Variants in LRRC74A observed in about 807,000 individuals in gnomAD.
The protein encoded by LRRC74A is leucine-rich repeat-containing protein 74A.
A neutral mutation model predicts 57.9 loss-of-function variants in LRRC74A; 44 were observed. The ratio of observed to expected loss-of-function variants is 0.76; its 90% CI spans 0.60 to 0.98. The LOEUF is 0.98. Ranked by LOEUF, LRRC74A falls within the 50% of genes least tolerant of loss-of-function variation. The pLI is 0.00. For synonymous variants in LRRC74A, 211 were observed against 219.4 expected, an observed-to-expected ratio of 0.96 and a Z score of 0.34; for missense variants, 572 against 574.0, an observed-to-expected ratio of 1.00 and a Z score of 0.04.
At chr14:76,845,048 G>T in intron 7 of LRRC74A, 147 bp downstream of exon 7, 1 of 604,990 alleles carries the variant, frequency 1.7e-6, no homozygotes, top group Non-Finnish European at 3.0e-6. Context: ...CAGAATTTGG[G>T]TGCAGTGGCT....
In LRRC74A at chr14:76,852,396, G is replaced by C. The variant is rs371546581; in HGVS notation, c.708G>C (p.Leu236=). ...ACGTGGGGCTCACGTCACTGGATCT[G>C]AGCTGGAATAACTTCCACACAAGGG... ...AINVGLTSLD[L]SWNNFHTRGA... The change falls in exon 8 of 14, where the codon CTG becomes CTC. Residue 236 remains leucine (L), a synonymous_variant. Transcript: ENST00000689127. 4 of 1,612,364 alleles carry C rather than the reference G, an allele frequency of 2.5e-6. No homozygotes were observed. The African/African-American group carries it at 4.0e-5, about 16-fold the overall frequency.
At position 76,828,743 on chromosome 14, in the gene LRRC74A, A is replaced by G. The variant is rs547601729; in HGVS notation, c.166+324A>G. 41 of 471,366 alleles carry G rather than the reference A, an allele frequency of 8.7e-5. 1 individual carries two copies. Among genetic ancestry groups the G allele is most frequent in the Non-Finnish European group, 3.4e-5 (8 of 237,728 alleles). The allele number at this position is 471,366 out of a possible 1,614,324, so 29.2% of individuals were successfully genotyped here. A position where few individuals can be genotyped will look rare whatever the true frequency, so the allele number is the denominator to read the frequency against. ...GTGGGGCATCCTATGCAATCTTTGCAATAGTCCTAGGAGGTAGGCATCTTT... is the reference window on the plus strand; with the variant it reads ...GTGGGGCATCCTATGCAATCTTTGCGATAGTCCTAGGAGGTAGGCATCTTT... On this transcript the variant is annotated intron_variant, in intron 2 of 13. Transcript: ENST00000689127.
intron 2 of LRRC74A, among the ~76,000 whole-genome samples, chr14:76,830,066 C>T (rs999543870): frequency 6.6e-6 from 1 of 152,182 alleles, no homozygotes; most frequent in Non-Finnish European, 1.5e-5. Context: ...ATAGGACAGC[C>T]CTCAGAACAG....
In LRRC74A at chr14:76,866,009, C is replaced by G. The variant is rs747517137; in HGVS notation, c.1242C>G (p.Phe414Leu). The change falls in exon 12 of 14, where the codon TTC becomes TTG. Residue 414 changes from phenylalanine to leucine, a missense_variant. Phe to Leu is a conservative substitution (Grantham distance 22). Coordinates refer to ENST00000689127, the MANE Select transcript of LRRC74A (RefSeq NM_001385106.1). ...ACAAAATCACGATCGTGGACTTCTT[C>G]AAGAGCTTGAACCCCACTGGGACAA... is the stretch of plus-strand genomic sequence containing the variant. Reference protein sequence around the residue: ...DQHKITIVDFFKSLNPTGTMK... With the variant: ...DQHKITIVDFLKSLNPTGTMK... 2 of 1,603,898 alleles carry G rather than the reference C, an allele frequency of 1.2e-6. No homozygotes were observed. Among genetic ancestry groups the G allele is most frequent in the East Asian group, 4.5e-5 (2 of 44,792 alleles).
At chr14:76,837,046 G>A (rs1215397693) in intron 4 of LRRC74A, among the ~76,000 whole-genome samples, 1 of 152,010 alleles carries the variant, frequency 6.6e-6, no homozygotes, top group East Asian at 1.9e-4. Flanking sequence ...GGAGGCTGAG[G>A]CAGGAGAATC....
intron 3 of LRRC74A, among the ~76,000 whole-genome samples, chr14:76,834,196 GAAGA>G (rs1896162615): frequency 6.6e-6 from 1 of 152,222 alleles, no homozygotes; most frequent in Non-Finnish European, 1.5e-5. Flanking sequence ...CCGGGGATGG[GAAGA>G]AAGGAGCCGA....
In LRRC74A at chr14:76,836,830, C is replaced by T. The variant is rs553894490; in HGVS notation, c.447+516C>T. On this transcript the variant is annotated intron_variant, in intron 4 of 13. Transcript: ENST00000689127. ...AAAAAAGAAACCACTTCTGTCTGGA[C>T]CTTAGAAGCCCTTAAAAATGATAAA... Among the ~76,000 whole-genome samples, 19 of 148,102 alleles carry T rather than the reference C, an allele frequency of 1.3e-4. No homozygotes were observed. In the South Asian group the frequency reaches 3.0e-3, roughly 24 times the overall value.
chr14:76,862,270 C>A (rs1898368686), intron 11 of LRRC74A, among the ~76,000 whole-genome samples: 1 of 152,228 alleles, frequency 6.6e-6, no homozygotes, highest in Non-Finnish European at 1.5e-5. Context: ...GTGGCTATGC[C>A]TGTAATCCCA....
chr14:76,831,538 A>G (rs1895973234), intron 3 of LRRC74A, among the ~76,000 whole-genome samples, 163 bp downstream of exon 3: 1 of 152,074 alleles, frequency 6.6e-6, no homozygotes, highest in Non-Finnish European at 1.5e-5. Context: ...TGATTTATTT[A>G]GCTCCTGGTA....
chr14:76,859,696 G>T (rs1448284198), intron 10 of LRRC74A, among the ~76,000 whole-genome samples: 1 of 144,462 alleles, frequency 6.9e-6, no homozygotes, highest in Non-Finnish European at 1.5e-5. Context: ...GGGTGTTGGG[G>T]ATGGAGTCTC....
chr14:76,867,524 A>G (rs1899034333), intron 13 of LRRC74A, 86 bp downstream of exon 13: 2 of 706,420 alleles, frequency 2.8e-6, no homozygotes, highest in Admixed American at 2.2e-5. Context: ...TCCTGTCTAC[A>G]CTTTATTACT....
chr14:76,848,008 T>C (rs1178144286), intron 7 of LRRC74A, among the ~76,000 whole-genome samples: 3 of 151,766 alleles, frequency 2.0e-5, no homozygotes, highest in African/African-American at 4.8e-5. Flanking sequence ...TCCCTGTCTC[T>C]ACTAAAAATA....
At position 76,867,408 on chromosome 14, in the gene LRRC74A, T is replaced by A. The variant is rs780438068; in HGVS notation, c.1361T>A (p.Leu454His). ...CAGGTCAGGGAGGTGATAAAGAAGCTCGATGAGAAGACAGGCATGGTGAAC... is the reference window on the plus strand; with the variant it reads ...CAGGTCAGGGAGGTGATAAAGAAGCACGATGAGAAGACAGGCATGGTGAAC... ...QYQVREVIKK[L>H]DEKTGMVNFS... The change falls in exon 13 of 14, where the codon CTC becomes CAC. Residue 454 changes from leucine (L) to histidine (H), a missense_variant. Physicochemically the swap from Leu to His is moderately conservative, Grantham distance 99 (BLOSUM62 -3). Coordinates refer to ENST00000689127, the MANE Select transcript of LRRC74A (RefSeq NM_001385106.1). 18 of 1,602,860 alleles carry A rather than the reference T, an allele frequency of 1.1e-5. No individual in the cohort carries two copies. The highest frequency in any genetic ancestry group is 1.4e-5 in the Non-Finnish European group (16 of 1,171,264).
intron 10 of LRRC74A, 142 bp from the exon 11 acceptor site, chr14:76,860,551 A>T: frequency 1.4e-6 from 1 of 697,216 alleles, no homozygotes; most frequent in Non-Finnish European, 2.2e-6. Flanking sequence ...GAACTATCCC[A>T]GTCCAGGAGC....
At chr14:76,843,287 CAAAAAAAAAAAAAAAAAA>C (rs59087508) in intron 5 of LRRC74A, among the ~76,000 whole-genome samples, 4 of 130,540 alleles carry the variant, frequency 3.1e-5, no homozygotes, top group Admixed American at 8.0e-5. Context: ...GACTCCGTCT[CAAAAAAAAAAAAAAAAAA>C]AAAAAAAAAA....
chr14:76,863,698 A>G (rs1026715176), intron 11 of LRRC74A, among the ~76,000 whole-genome samples: 1 of 152,212 alleles, frequency 6.6e-6, no homozygotes, highest in Non-Finnish European at 1.5e-5. Context: ...GTTGCTGGCC[A>G]CAGAATTTAC....
chr14:76,865,196 T>C (rs1345260098), intron 11 of LRRC74A, among the ~76,000 whole-genome samples: 2 of 152,260 alleles, frequency 1.3e-5, no homozygotes, highest in African/African-American at 4.8e-5. Flanking sequence ...TCCACTTTTA[T>C]GTATTTGGAT....
At chr14:76,861,234 T>C (rs757631321) in intron 11 of LRRC74A, among the ~76,000 whole-genome samples, 2 of 152,206 alleles carry the variant, frequency 1.3e-5, no homozygotes, top group African/African-American at 4.8e-5. Flanking sequence ...AATCAAATTA[T>C]GTCAAATGCA....
intron 1 of LRRC74A, 31 bp from the exon 2 acceptor site, chr14:76,828,260 T>G: frequency 6.4e-7 from 1 of 1,560,670 alleles, no homozygotes; most frequent in Non-Finnish European, 8.7e-7. Flanking sequence ...GTTTTATTCC[T>G]GGCATCAAGG....
Sources: gnomAD v4.1 joint callset for allele counts (sites outside exome capture counted in the v4.1 genomes callset) on GRCh38, gnomAD v4.1.1 for gene constraint, MANE v1.5 for transcripts, NCBI Gene and HGNC (gene_info 2026-07-23, HGNC 2026-07-21) for gene names.